The following HHIP variants were observed in gnomAD, a reference collection of about 807,000 sequenced individuals.
HHIP encodes hedgehog interacting protein.
A neutral mutation model predicts 74.0 loss-of-function variants in HHIP; 12 were observed. The ratio of observed to expected loss-of-function variants is 0.16; its 90% CI spans 0.10 to 0.26. HHIP has a LOEUF of 0.26. Ranked by LOEUF, HHIP falls within the 10% of genes least tolerant of loss-of-function variation. The probability of loss-of-function intolerance (pLI) is 1.00; values close to 1 mark genes in which losing one functional copy is unlikely to be tolerated. For missense variants in HHIP, 788 were observed against 845.0 expected, an observed-to-expected ratio of 0.93 and a Z score of 0.84; for synonymous variants, 309 against 311.6, an observed-to-expected ratio of 0.99 and a Z score of 0.09.
intron 4 of HHIP, among the ~76,000 whole-genome samples, chr4:144,696,335 C>A (rs1158394439): frequency 6.6e-6 from 1 of 151,640 alleles, no homozygotes; most frequent in Non-Finnish European, 1.5e-5. Context: ...CCTAAATTAA[C>A]CTTTGTGTTA....
intron 12 of HHIP, among the ~76,000 whole-genome samples, chr4:144,735,388 A>T (rs1731086716): frequency 6.6e-6 from 1 of 152,178 alleles, no homozygotes; most frequent in Non-Finnish European, 1.5e-5. Flanking sequence ...CTAGAGACAT[A>T]TTATGAGATT....
chr4:144,693,017 C>A (rs778020086), intron 4 of HHIP, among the ~76,000 whole-genome samples: 16 of 152,236 alleles, frequency 1.1e-4, no homozygotes, highest in Non-Finnish European at 1.2e-4. Flanking sequence ...ACATCTGCCC[C>A]TTAATGACTG....
chr4:144,714,073 T>C (rs1730375676), intron 8 of HHIP, 152 bp from the exon 9 acceptor site: 1 of 637,622 alleles, frequency 1.6e-6, no homozygotes, highest in Non-Finnish European at 2.7e-6. Flanking sequence ...TAGCAAAGAC[T>C]GTTTTCATTA....
intron 8 of HHIP, among the ~76,000 whole-genome samples, chr4:144,713,801 T>A (rs1183953549): frequency 6.6e-6 from 1 of 152,172 alleles, no homozygotes; most frequent in African/African-American, 2.4e-5. Flanking sequence ...CTTTTAAACA[T>A]TTTACATATT....
At chr4:144,685,919 G>A (rs1021745333) in intron 4 of HHIP, among the ~76,000 whole-genome samples, 5 of 152,120 alleles carry the variant, frequency 3.3e-5, no homozygotes, top group African/African-American at 9.7e-5. Context: ...AAAGTTTCCC[G>A]TAAAGTTCTG....
At position 144,694,273 on chromosome 4, in the gene HHIP, T is replaced by C. The variant is rs149829525; in HGVS notation, c.832-12258T>C. 2.8e-4 allele frequency among the ~76,000 whole-genome samples: 42 copies of C among 151,954 alleles called. No individual in the cohort carries two copies. In the East Asian group the frequency reaches 8.1e-3, roughly 29 times the overall value. ...GCATAACTCTTCAAGAGAAGTCACA[T>C]GGAGGAAACCTCATATTTCCTTAAA... On this transcript the variant is annotated intron_variant, in intron 4 of 12. Transcript: ENST00000296575.
chr4:144,694,546 A>G (rs1159533373), intron 4 of HHIP, among the ~76,000 whole-genome samples: 2 of 151,906 alleles, frequency 1.3e-5, no homozygotes, highest in East Asian at 1.9e-4. Flanking sequence ...CATGACCAGC[A>G]TATTAGCCAC....
chr4:144,653,754 C>A (rs900349800), intron 2 of HHIP, among the ~76,000 whole-genome samples: 1 of 151,964 alleles, frequency 6.6e-6, no homozygotes, highest in Non-Finnish European at 1.5e-5. Flanking sequence ...AAAGTGTAGA[C>A]TTTTGTATTT....
chr4:144,676,842 T>G (rs540107524), intron 4 of HHIP, among the ~76,000 whole-genome samples: 1 of 152,202 alleles, frequency 6.6e-6, no homozygotes, highest in African/African-American at 2.4e-5. Context: ...ACCAAAGTCT[T>G]GGAGATGCCA....
chr4:144,708,263 C>T lies in HHIP; in HGVS notation c.1253C>T (p.Thr418Ile). Residue 418 changes from threonine (T) to isoleucine (I), a missense_variant, in exon 7 of 13, where the codon ACC (threonine) becomes ATC (isoleucine). Coordinates refer to ENST00000296575, the MANE Select transcript of HHIP (RefSeq NM_022475.3). The stretch of plus-strand genomic sequence containing the variant: ...AGGAGCAACCCACACTTCAACAGCA[C>T]CAACCAGCCCCCCGAAGTGTTTGCT... The part of the protein sequence containing the change: ...IPRSNPHFNS[T>I]NQPPEVFAHG... 6.2e-7 allele frequency: 1 copy of T among 1,614,150 alleles called. No homozygotes were observed. The highest frequency in any genetic ancestry group is 8.5e-7 in the Non-Finnish European group (1 of 1,180,008).
At chr4:144,692,594 T>C (rs1326366120) in intron 4 of HHIP, among the ~76,000 whole-genome samples, 1 of 152,178 alleles carries the variant, frequency 6.6e-6, no homozygotes, top group Non-Finnish European at 1.5e-5. Flanking sequence ...AGATTCCCCC[T>C]GAATTCTTTC....
chr4:144,695,212 A>C (rs1729782321), intron 4 of HHIP, among the ~76,000 whole-genome samples: 1 of 151,782 alleles, frequency 6.6e-6, no homozygotes, highest in African/African-American at 2.4e-5. Context: ...TCCATGAGAC[A>C]CTGAGAGAAG....
At chr4:144,689,041 GA>G (rs1283799821) in intron 4 of HHIP, among the ~76,000 whole-genome samples, 2 of 151,916 alleles carry the variant, frequency 1.3e-5, no homozygotes, top group Non-Finnish European at 2.9e-5. Flanking sequence ...TTTGCAAAAA[GA>G]AAAAAAGAAT....
intron 12 of HHIP, among the ~76,000 whole-genome samples, chr4:144,736,518 T>C (rs375019567): frequency 3.3e-5 from 5 of 152,164 alleles, no homozygotes; most frequent in Admixed American, 6.5e-5. Context: ...TAATCTCTTA[T>C]GTTATCTGAA....
At chr4:144,664,651 T>G in intron 4 of HHIP, among the ~76,000 whole-genome samples, 1 of 152,208 alleles carries the variant, frequency 6.6e-6, no homozygotes. Context: ...CATATGGTGA[T>G]TACTAGATCA....
chr4:144,690,625 C>A (rs533379580), intron 4 of HHIP, among the ~76,000 whole-genome samples: 2 of 152,242 alleles, frequency 1.3e-5, no homozygotes, highest in East Asian at 3.9e-4. Context: ...AATGACAGAG[C>A]GGAGACTGGA....
chr4:144,698,275 T>C (rs1327386514), intron 4 of HHIP, among the ~76,000 whole-genome samples: 1 of 152,184 alleles, frequency 6.6e-6, no homozygotes, highest in African/African-American at 2.4e-5. Context: ...AAATTGTATA[T>C]GCAGTTATGC....
chr4:144,718,943 G>A lies in HHIP; in HGVS notation c.1747G>A (p.Val583Ile), dbSNP rs1730548180. Residue 583 changes from valine to isoleucine, a missense_variant, in exon 11 of 13, where the codon GTA (valine) becomes ATA (isoleucine). Physicochemically the swap from Val to Ile is conservative, Grantham distance 29. Coordinates refer to ENST00000296575, the MANE Select transcript of HHIP (RefSeq NM_022475.3). ...TCACAATGGAAAACTCTACAAAATT[G>A]TAGATCCCAAAAGGTGAGATTTCCT... ...QTHNGKLYKI[V>I]DPKRPLMPEE... The A allele has an allele frequency of 6.3e-7, 1 of 1,597,312 alleles. No individual in the cohort carries two copies.
chr4:144,653,142 A>G (rs779734799), intron 2 of HHIP, among the ~76,000 whole-genome samples: 4 of 152,134 alleles, frequency 2.6e-5, no homozygotes, highest in Non-Finnish European at 4.4e-5. Flanking sequence ...ATCAGCTTCA[A>G]TATCAAGGCA....
Sources: gnomAD v4.1 joint callset for allele counts (sites outside exome capture counted in the v4.1 genomes callset) on GRCh38, gnomAD v4.1.1 for gene constraint, MANE v1.5 for transcripts, NCBI Gene and HGNC (gene_info 2026-07-23, HGNC 2026-07-21) for gene names.